The following SEMA3A variants were observed in gnomAD, a reference collection of about 807,000 sequenced individuals.
SEMA3A encodes the protein semaphorin-3A.
A neutral mutation model predicts 97.9 loss-of-function variants in SEMA3A; 29 were observed. That is an observed-to-expected ratio of 0.30 (90% confidence interval 0.22 to 0.40). The LOEUF (loss-of-function observed/expected upper bound fraction) is 0.40, where lower values mean the gene tolerates loss of function less well. Among genes scored for constraint, SEMA3A ranks in the 10% least tolerant of loss-of-function variants. The probability of loss-of-function intolerance (pLI) is 1.00; values close to 1 mark genes in which losing one functional copy is unlikely to be tolerated. For synonymous variants in SEMA3A, 321 were observed against 323.7 expected, an observed-to-expected ratio of 0.99 and a Z score of 0.09; for missense variants, 763 against 951.3, an observed-to-expected ratio of 0.80 and a Z score of 2.60.
chr7:84,358,361 C>G (rs1013006572), intron 2 of SEMA3A, among the ~76,000 whole-genome samples: 2 of 152,160 alleles, frequency 1.3e-5, no homozygotes, highest in Admixed American at 1.3e-4. Flanking sequence ...ATATGGCTAG[C>G]CAGTTTTCCC....
At chr7:83,961,927 A>G in intron 16 of SEMA3A, 101 bp from the exon 17 acceptor site, 1 of 800,834 alleles carries the variant, frequency 1.2e-6, no homozygotes, top group Non-Finnish European at 1.9e-6. Flanking sequence ...GTGTTGAGGC[A>G]CATTTTAACA....
intron 2 of SEMA3A, among the ~76,000 whole-genome samples, chr7:84,130,366 A>T (rs890964115): frequency 5.3e-5 from 8 of 152,120 alleles, no homozygotes; most frequent in Non-Finnish European, 1.2e-4. Context: ...GCACATATTG[A>T]AGTAGTGTAT....
chr7:84,465,089 A>C (rs1298907461), intron 1 of SEMA3A, among the ~76,000 whole-genome samples: 2 of 152,156 alleles, frequency 1.3e-5, no homozygotes, highest in Non-Finnish European at 2.9e-5. Flanking sequence ...ACCATTATTG[A>C]ATTCTATAAT....
At chr7:84,181,031 C>T (rs1435380060) in intron 1 of SEMA3A, among the ~76,000 whole-genome samples, 2 of 151,972 alleles carry the variant, frequency 1.3e-5, no homozygotes, top group African/African-American at 4.8e-5. Flanking sequence ...TGATTTCAGT[C>T]TAACAAAATA....
At chr7:84,132,678 T>G (rs1218825312) in intron 2 of SEMA3A, among the ~76,000 whole-genome samples, 2,697 of 133,770 alleles carry the variant, frequency 0.02, 105 homozygotes, top group African/African-American at 0.07. Context: ...TTTTTTTTTT[T>G]TTTTTTTTTT....
chr7:84,143,994 C>CACACACACACACACACAA (rs1348242265), intron 1 of SEMA3A, among the ~76,000 whole-genome samples: 1 of 137,560 alleles, frequency 7.3e-6, no homozygotes, highest in African/African-American at 2.8e-5. Context: ...CACACACACA[C>CACACACACACACACACAA]AATTTATTGT....
chr7:83,986,258 T>C (rs1469771043), intron 12 of SEMA3A, among the ~76,000 whole-genome samples: 5 of 152,126 alleles, frequency 3.3e-5, no homozygotes, highest in African/African-American at 1.2e-4. Context: ...TGGGATGAGA[T>C]TACTTCATTA....
At chr7:84,406,800 C>G (rs1804103618) in intron 1 of SEMA3A, among the ~76,000 whole-genome samples, 1 of 152,106 alleles carries the variant, frequency 6.6e-6, no homozygotes, top group Non-Finnish European at 1.5e-5. Context: ...AAGACAAAAA[C>G]CACATGATTA....
At chr7:84,359,240 GT>G (rs1169243785) in intron 2 of SEMA3A, among the ~76,000 whole-genome samples, 1 of 152,060 alleles carries the variant, frequency 6.6e-6, no homozygotes, top group African/African-American at 2.4e-5. Flanking sequence ...AATGCTTCCA[GT>G]TTTTGTCCAT....
At chr7:84,156,271 C>G (rs1010762662) in intron 1 of SEMA3A, among the ~76,000 whole-genome samples, 2 of 151,994 alleles carry the variant, frequency 1.3e-5, no homozygotes, top group Non-Finnish European at 1.5e-5. Flanking sequence ...TTGCTTATGG[C>G]TATGACAACA....
chr7:84,084,254 C>T (rs1562768210), intron 4 of SEMA3A, among the ~76,000 whole-genome samples: 2 of 151,932 alleles, frequency 1.3e-5, no homozygotes, highest in Non-Finnish European at 2.9e-5. Flanking sequence ...TTTCAAAAAG[C>T]TGATTATAAA....
At chr7:84,074,237 C>A (rs1793856285) in intron 4 of SEMA3A, among the ~76,000 whole-genome samples, 1 of 152,184 alleles carries the variant, frequency 6.6e-6, no homozygotes, top group Admixed American at 6.6e-5. Flanking sequence ...TCCTTACTTT[C>A]CACAGTTATT....
At chr7:84,378,896 A>G (rs1803178886) in intron 1 of SEMA3A, among the ~76,000 whole-genome samples, 1 of 144,144 alleles carries the variant, frequency 6.9e-6, no homozygotes, top group East Asian at 2.2e-4. Flanking sequence ...CTCTCTCTCC[A>G]TATATATTTT....
At chr7:84,324,626 T>C (rs1036935126) in intron 2 of SEMA3A, among the ~76,000 whole-genome samples, 3 of 152,202 alleles carry the variant, frequency 2.0e-5, no homozygotes, top group Non-Finnish European at 4.4e-5. Context: ...ACAAAATATG[T>C]AATTTTTTTA....
intron 4 of SEMA3A, among the ~76,000 whole-genome samples, chr7:84,075,605 T>C (rs936215169): frequency 8.6e-5 from 13 of 151,954 alleles, no homozygotes; most frequent in Non-Finnish European, 1.6e-4. Context: ...ATTACAGGCA[T>C]GTGCCACTGC....
intron 2 of SEMA3A, among the ~76,000 whole-genome samples, chr7:84,364,043 T>A (rs1802786260): frequency 6.6e-6 from 1 of 151,802 alleles, no homozygotes; most frequent in African/African-American, 2.4e-5. Context: ...ACTTGCTCAC[T>A]AATTCATTTT....
chr7:84,351,171 C>T (rs945460028), intron 2 of SEMA3A, among the ~76,000 whole-genome samples: 4 of 151,868 alleles, frequency 2.6e-5, no homozygotes, highest in African/African-American at 7.3e-5. Context: ...ATTCATTCAT[C>T]GTGCTTATAT....
chr7:84,449,359 A>G (rs1187202531), intron 1 of SEMA3A, among the ~76,000 whole-genome samples: 1 of 152,200 alleles, frequency 6.6e-6, no homozygotes, highest in Non-Finnish European at 1.5e-5. Flanking sequence ...AACTAAGTAC[A>G]AATCAATAAA....
intron 3 of SEMA3A, among the ~76,000 whole-genome samples, chr7:84,240,825 A>G (rs1016728043): frequency 4.6e-5 from 7 of 152,096 alleles, no homozygotes; most frequent in African/African-American, 1.4e-4. Flanking sequence ...CTCATTGTTC[A>G]TCTCCCACTT....
Sources: gnomAD v4.1 joint callset for allele counts (sites outside exome capture counted in the v4.1 genomes callset) on GRCh38, gnomAD v4.1.1 for gene constraint, MANE v1.5 for transcripts, NCBI Gene and HGNC (gene_info 2026-07-23, HGNC 2026-07-21) for gene names.